CTNNA3: variants seen among roughly 807,000 people sequenced by gnomAD.
CTNNA3 encodes catenin alpha-3.
In CTNNA3, 76 loss-of-function variants were observed where a neutral mutation model predicts 95.7. The ratio of observed to expected loss-of-function variants is 0.79; its 90% CI spans 0.66 to 0.96. CTNNA3 has a LOEUF of 0.96. CTNNA3 is among the 40% of genes least tolerant of loss of function. The pLI is 0.00. For synonymous variants in CTNNA3, 431 were observed against 374.4 expected (o/e 1.15, Z -1.74); for missense variants, 1,191 against 1,089.8 (o/e 1.09, Z -1.31).
At chr10:67,307,473 T>C (rs1840603225) in intron 5 of CTNNA3, among the ~76,000 whole-genome samples, 2 of 152,020 alleles carry the variant, frequency 1.3e-5, no homozygotes, top group African/African-American at 4.8e-5. Flanking sequence ...ATTGTTTGTT[T>C]GTTTGTTTGT....
chr10:67,202,392 T>A (rs1226079634), intron 6 of CTNNA3, among the ~76,000 whole-genome samples: 1 of 152,080 alleles, frequency 6.6e-6, no homozygotes. Flanking sequence ...AATAAAGCCA[T>A]AATCAACACC....
chr10:66,972,147 A>G (rs1337701051), intron 7 of CTNNA3, among the ~76,000 whole-genome samples: 17 of 152,110 alleles, frequency 1.1e-4, no homozygotes, highest in Non-Finnish European at 1.5e-5. Context: ...GCCTTCTCAA[A>G]TTAACAACAT....
chr10:66,128,644 G>A (rs1318003109), intron 13 of CTNNA3, among the ~76,000 whole-genome samples: 1 of 152,182 alleles, frequency 6.6e-6, no homozygotes, highest in East Asian at 1.9e-4. Flanking sequence ...GGGCTTAGAG[G>A]GAGGGGATGT....
intron 4 of CTNNA3, among the ~76,000 whole-genome samples, chr10:67,529,504 A>AG (rs1286745327): frequency 1.3e-5 from 1 of 75,298 alleles, no homozygotes; most frequent in Non-Finnish European, 2.5e-5. Flanking sequence ...GGGTCGGGGG[A>AG]GGGGGGAGGG....
rs1229271119 is a variant in CTNNA3 at position 66,927,439 on chromosome 10, C to A, written c.1048-151915G>T. The A allele has an allele frequency of 1.9e-6, 3 of 1,613,976 alleles. No homozygotes were observed. Among genetic ancestry groups the A allele is most frequent in the East Asian group, 2.2e-5 (1 of 44,882 alleles). ...TAACTCCCTGAGAACCATCCCTGTG[C>A]GAATATTCCAAGACTGCCGCAACCT... On this transcript the variant is annotated intron_variant, in intron 7 of 17. Coordinates refer to ENST00000433211, the MANE Select transcript of CTNNA3 (RefSeq NM_013266.4). This position sits in a 1 kb window ranked among gnomAD's most constrained non-coding sequence, Gnocchi z 4.7.
chr10:67,726,136 T>C (rs1841212067), intron 1 of CTNNA3, among the ~76,000 whole-genome samples: 1 of 110,806 alleles, frequency 9.0e-6, no homozygotes, highest in Non-Finnish European at 1.6e-5. Flanking sequence ...AGATAATATA[T>C]ATTATATTAT....
chr10:66,431,556 C>T (rs1323555442), intron 11 of CTNNA3, among the ~76,000 whole-genome samples: 6 of 151,900 alleles, frequency 3.9e-5, no homozygotes, highest in Non-Finnish European at 7.4e-5. Context: ...CCATGGAATA[C>T]TATGCAGCCA....
chr10:66,413,160 C>A (rs79653037), intron 11 of CTNNA3, among the ~76,000 whole-genome samples: 5,540 of 152,170 alleles, frequency 0.036, 354 homozygotes, highest in East Asian at 0.23. Flanking sequence ...TAGCACAAGT[C>A]TTGGTGGTAA....
chr10:66,718,074 C>A (rs1848509101), intron 9 of CTNNA3, among the ~76,000 whole-genome samples: 1 of 151,736 alleles, frequency 6.6e-6, no homozygotes, highest in Non-Finnish European at 1.5e-5. Context: ...ACATTGGCAC[C>A]AAACTTTTAT....
At chr10:66,523,859 G>C (rs1043485829) in intron 10 of CTNNA3, among the ~76,000 whole-genome samples, 1 of 152,032 alleles carries the variant, frequency 6.6e-6, no homozygotes, top group African/African-American at 2.4e-5. Context: ...CCCCCCACTT[G>C]CTGATAACCT....
chr10:67,232,575 A>G (rs201260248), intron 5 of CTNNA3, among the ~76,000 whole-genome samples: 1 of 152,168 alleles, frequency 6.6e-6, no homozygotes, highest in Admixed American at 6.5e-5. Flanking sequence ...TGTAAAGACC[A>G]TCGAGACTAG....
intron 13 of CTNNA3, among the ~76,000 whole-genome samples, chr10:66,253,570 T>A (rs1295841056): frequency 1.3e-5 from 2 of 152,218 alleles, no homozygotes; most frequent in East Asian, 3.8e-4. Context: ...CACTGCTGTA[T>A]CTCAGTAGCA....
chr10:66,419,131 C>G (rs1046247357), intron 11 of CTNNA3, among the ~76,000 whole-genome samples: 2 of 152,090 alleles, frequency 1.3e-5, no homozygotes, highest in Non-Finnish European at 2.9e-5. Flanking sequence ...AGTCAAAAGA[C>G]TCCACCAAAA....
chr10:66,848,985 T>A (rs1843380213), intron 7 of CTNNA3, among the ~76,000 whole-genome samples: 1 of 152,184 alleles, frequency 6.6e-6, no homozygotes, highest in Non-Finnish European at 1.5e-5. Context: ...GAGGAAAGAA[T>A]GAACGAATTA....
At chr10:66,457,950 G>C (rs1232950186) in intron 11 of CTNNA3, among the ~76,000 whole-genome samples, 1 of 152,104 alleles carries the variant, frequency 6.6e-6, no homozygotes, top group Non-Finnish European at 1.5e-5. Flanking sequence ...GATAGGTAGA[G>C]GGGGTAGGCT....
At chr10:67,177,563 C>G (rs145834199) in intron 7 of CTNNA3, among the ~76,000 whole-genome samples, 8 of 152,220 alleles carry the variant, frequency 5.3e-5, no homozygotes, top group African/African-American at 1.9e-4. Context: ...CTGGGTCCAC[C>G]AAAGGAGACA....
intron 10 of CTNNA3, among the ~76,000 whole-genome samples, chr10:66,559,253 A>G (rs1216532454): frequency 6.6e-6 from 1 of 152,052 alleles, no homozygotes; most frequent in African/African-American, 2.4e-5. Flanking sequence ...GATACTTTTA[A>G]CACAAATCTG....
chr10:66,305,423 C>G (rs1589058578), intron 12 of CTNNA3, among the ~76,000 whole-genome samples: 2 of 152,138 alleles, frequency 1.3e-5, no homozygotes, highest in Middle Eastern at 6.8e-3. Flanking sequence ...AGCAGTCAAC[C>G]CTATTTTCTC....
intron 15 of CTNNA3, among the ~76,000 whole-genome samples, chr10:66,044,142 A>G (rs2079768721): frequency 6.6e-6 from 1 of 152,050 alleles, no homozygotes. Context: ...CTATAGGTGC[A>G]TGCCACCATG....
Sources: allele counts gnomAD v4.1 joint callset (sites outside exome capture counted in the v4.1 genomes callset), GRCh38; gene constraint gnomAD v4.1.1; non-coding constraint Gnocchi (gnomAD v3.1); transcripts MANE v1.5; gene names NCBI Gene and HGNC (gene_info 2026-07-23, HGNC 2026-07-21).